Variants in MACROD2 observed in about 807,000 individuals in gnomAD.
The protein encoded by MACROD2 is ADP-ribose glycohydrolase MACROD2.
A neutral mutation model predicts 70.4 loss-of-function variants in MACROD2; 36 were observed. The observed-to-expected ratio is 0.51, with a 90% CI of 0.39 to 0.68. The LOEUF is 0.68. MACROD2 is among the 30% of genes least tolerant of loss of function. The probability of loss-of-function intolerance (pLI) is 0.00; values close to 1 mark genes in which losing one functional copy is unlikely to be tolerated. For missense variants in MACROD2, 496 were observed against 538.4 expected (o/e 0.92, Z 0.78); for synonymous variants, 172 against 178.8 (o/e 0.96, Z 0.30).
chr20:15,153,775 A>G (rs1185384769), intron 5 of MACROD2, among the ~76,000 whole-genome samples: 1 of 152,196 alleles, frequency 6.6e-6, no homozygotes, highest in East Asian at 1.9e-4. Flanking sequence ...CCTGGAAAGC[A>G]TATGGAGGGC....
chr20:14,467,256 T>C (rs1255731187), intron 3 of MACROD2, among the ~76,000 whole-genome samples: 1 of 152,110 alleles, frequency 6.6e-6, no homozygotes, highest in African/African-American at 2.4e-5. Context: ...CCCCCCAGCC[T>C]CGCTGCCACC....
In MACROD2 at chr20:14,870,797, C is replaced by T. The variant is rs1220988319; in HGVS notation, c.418+185838C>T. The stretch of plus-strand genomic sequence containing the variant: ...TGCCCACTTTTTAATGGGGTTGTTT[C>T]GTTTATTTCTTGTAAATGTATTTAA... On this transcript the variant is annotated intron_variant, in intron 5 of 17. Coordinates refer to ENST00000684519, the MANE Select transcript of MACROD2 (RefSeq NM_001351661.2). 3.3e-5 allele frequency among the ~76,000 whole-genome samples: 5 copies of T among 151,556 alleles called. No individual in the cohort carries two copies. The East Asian group carries it at 9.7e-4, about 29-fold the overall frequency.
At position 14,537,399 on chromosome 20, in the gene MACROD2, T is replaced by C. The variant is rs574678612; in HGVS notation, c.301+43891T>C. On this transcript the variant is annotated intron_variant, in intron 4 of 17. Coordinates refer to ENST00000684519, the MANE Select transcript of MACROD2 (RefSeq NM_001351661.2). ...TGTATAAAATAGCCTCAGAATTGTC[T>C]ACACCTAGGGACAGGGAAGTTGAGT... is the stretch of plus-strand genomic sequence containing the variant. Among the ~76,000 whole-genome samples the C allele has an allele frequency of 2.0e-5, 3 of 152,312 alleles. No homozygotes were observed. In the East Asian group the frequency reaches 5.8e-4, roughly 29 times the overall value.
At chr20:15,491,235 C>T (rs77092394) in intron 7 of MACROD2, among the ~76,000 whole-genome samples, 1,574 of 152,228 alleles carry the variant, frequency 0.01, 33 homozygotes, top group African/African-American at 0.036. Flanking sequence ...ATTATGTTAC[C>T]GTCGTGCTGA....
intron 3 of MACROD2, among the ~76,000 whole-genome samples, chr20:14,158,242 A>C (rs147658243): frequency 7.9e-5 from 12 of 152,224 alleles, no homozygotes; most frequent in African/African-American, 2.9e-4. Context: ...AGAAATGCCT[A>C]TTCAGATCCT....
At chr20:15,642,995 G>C (rs571770214) in intron 8 of MACROD2, among the ~76,000 whole-genome samples, 5 of 152,148 alleles carry the variant, frequency 3.3e-5, no homozygotes, top group Non-Finnish European at 7.3e-5. Context: ...TGAACATCTT[G>C]TTGGAATATT....
At chr20:14,747,712 T>G (rs1035053622) in intron 5 of MACROD2, among the ~76,000 whole-genome samples, 3 of 151,132 alleles carry the variant, frequency 2.0e-5, no homozygotes, top group Admixed American at 2.0e-4. Flanking sequence ...CAGATTAGAG[T>G]GGTATGATAG....
intron 3 of MACROD2, among the ~76,000 whole-genome samples, chr20:14,198,478 G>A (rs1464717040): frequency 1.3e-5 from 2 of 151,998 alleles, no homozygotes; most frequent in African/African-American, 2.4e-5. Flanking sequence ...CTTATTATTC[G>A]GTTAGAAACT....
intron 5 of MACROD2, among the ~76,000 whole-genome samples, chr20:14,956,579 A>G (rs2074538880): frequency 6.6e-6 from 1 of 152,098 alleles, no homozygotes; most frequent in South Asian, 2.1e-4. Flanking sequence ...AGTGCTAATT[A>G]AAAAACTATC....
chr20:15,478,316 C>G (rs920262659), intron 7 of MACROD2, among the ~76,000 whole-genome samples: 1 of 152,214 alleles, frequency 6.6e-6, no homozygotes, highest in Admixed American at 6.5e-5. Context: ...TGGCAGCTTT[C>G]TATCGGTTCT....
chr20:14,954,512 A>G (rs908223342), intron 5 of MACROD2, among the ~76,000 whole-genome samples: 19 of 140,682 alleles, frequency 1.4e-4, no homozygotes, highest in East Asian at 4.0e-4. Context: ...TTATTATTAT[A>G]TAATTAATAT....
At chr20:14,201,621 C>G (rs1261174994) in intron 3 of MACROD2, among the ~76,000 whole-genome samples, 1 of 151,736 alleles carries the variant, frequency 6.6e-6, no homozygotes, top group East Asian at 1.9e-4. Flanking sequence ...GTGGGTGGCT[C>G]ACGAGGTCAG....
rs567099112 is a variant in MACROD2, at chr20:14,572,293, C to T, written c.301+78785C>T. Among the ~76,000 whole-genome samples, 4 of 152,108 alleles carry T rather than the reference C, an allele frequency of 2.6e-5. No homozygotes were observed. In the South Asian group the frequency reaches 8.3e-4, roughly 32 times the overall value. On this transcript the variant is annotated intron_variant, in intron 4 of 17. Transcript: ENST00000684519. ...TCTTGACATTGAATTTAAATATTTA[C>T]AGCCTGGAGCAATTAGGATTCTCAA...
chr20:15,127,641 G>T (rs566453823), intron 5 of MACROD2, among the ~76,000 whole-genome samples: 2 of 152,196 alleles, frequency 1.3e-5, no homozygotes, highest in South Asian at 4.1e-4. Flanking sequence ...AAGTGAGGCT[G>T]CTCACCACTT....
rs79992955 is a variant in MACROD2, at chr20:14,362,197, A to T, written c.272-131282A>T. On this transcript the variant is annotated intron_variant, in intron 3 of 17. Coordinates refer to ENST00000684519, the MANE Select transcript of MACROD2 (RefSeq NM_001351661.2). ...AATATATCATATGTTAATAATAATAACTTACTACATTCCGATCATTGTTCC... is the reference window on the plus strand; with the variant it reads ...AATATATCATATGTTAATAATAATATCTTACTACATTCCGATCATTGTTCC... 9.8e-3 allele frequency among the ~76,000 whole-genome samples: 1,496 copies of T among 152,266 alleles called. 17 individuals carry two copies. The highest frequency in any genetic ancestry group is 0.026 in the African/African-American group (1,075 of 41,538).
chr20:15,478,004 G>A (rs1417157337), intron 7 of MACROD2, among the ~76,000 whole-genome samples: 5 of 152,190 alleles, frequency 3.3e-5, no homozygotes. Context: ...GAACACAAGG[G>A]CATGGATTTG....
intron 6 of MACROD2, among the ~76,000 whole-genome samples, chr20:15,237,592 C>G (rs553349590): frequency 6.6e-6 from 1 of 152,034 alleles, no homozygotes; most frequent in African/African-American, 2.4e-5. Context: ...TGTGCACGTG[C>G]TTTCTATAGG....
In MACROD2 at chr20:15,468,925, A is replaced by G. The variant is rs115231618; in HGVS notation, c.572-30849A>G. 1.2e-3 allele frequency among the ~76,000 whole-genome samples: 184 copies of G among 152,320 alleles called. 1 individual carries two copies. The highest frequency in any genetic ancestry group is 4.4e-3 in the African/African-American group (184 of 41,576). The stretch of plus-strand genomic sequence containing the variant: ...CCAAAGGATGAACCCATAATAATGG[A>G]ATTTCTGTTCACTTTGCAAGACCTC... On this transcript the variant is annotated intron_variant, in intron 7 of 17. Transcript: ENST00000684519.
At chr20:15,239,213 G>A (rs1431359593) in intron 6 of MACROD2, among the ~76,000 whole-genome samples, 1 of 134,112 alleles carries the variant, frequency 7.5e-6, no homozygotes, top group African/African-American at 2.9e-5. Context: ...GAGAGCAATT[G>A]CAATGTATGG....
Sources: gnomAD v4.1 joint callset for allele counts (sites outside exome capture counted in the v4.1 genomes callset) on GRCh38, gnomAD v4.1.1 for gene constraint, MANE v1.5 for transcripts, NCBI Gene and HGNC (gene_info 2026-07-23, HGNC 2026-07-21) for gene names.